Variants in RCBTB1 observed in about 807,000 individuals in gnomAD.
RCBTB1 encodes the protein RCC1 and BTB domain-containing protein 1.
A neutral mutation model predicts 62.4 loss-of-function variants in RCBTB1; 46 were observed. The ratio of observed to expected loss-of-function variants is 0.74; its 90% CI spans 0.58 to 0.94. RCBTB1 has a LOEUF of 0.94. Among genes scored for constraint, RCBTB1 ranks in the 40% least tolerant of loss-of-function variants. The pLI, the probability that RCBTB1 is intolerant of heterozygous loss-of-function variation, is 0.00. For missense variants in RCBTB1, 565 were observed against 654.9 expected (o/e 0.86, Z 1.50); for synonymous variants, 222 against 245.8 (o/e 0.90, Z 0.91).
intron 9 of RCBTB1, chr13:49,546,333 G>A: frequency 1.0e-6 from 1 of 985,146 alleles, no homozygotes; most frequent in Non-Finnish European, 1.2e-6. Flanking sequence ...AAGTGAGAGG[G>A]AAAAAACACT....
rs760901432 is a variant in RCBTB1 at position 49,549,509 on chromosome 13, C to G, written c.994G>C (p.Val332Leu). The change falls in exon 9 of 13, where the codon GTG (valine) becomes CTG (leucine). Residue 332 changes from valine (V) to leucine (L), a missense_variant. By Grantham distance (32) the Val-to-Leu change is conservative. Coordinates refer to ENST00000378302, the MANE Select transcript of RCBTB1 (RefSeq NM_018191.4). Reference protein sequence around the residue: ...HLTHFSCTDDVFACFATPAVS... With the variant: ...HLTHFSCTDDLFACFATPAVS... ...GCGGGAGTGGCAAAGCAGGCAAACACGTCGTCGGTGCAGGAGAAGTGGGTG... is the reference window on the plus strand; with the variant it reads ...GCGGGAGTGGCAAAGCAGGCAAACAGGTCGTCGGTGCAGGAGAAGTGGGTG... 1.2e-6 allele frequency: 2 copies of G among 1,613,626 alleles called. No homozygotes were observed. The highest frequency in any genetic ancestry group is 1.7e-6 in the Non-Finnish European group (2 of 1,179,836).
Position 49,544,839 on chromosome 13 carries a change from G to A in RCBTB1, c.1070C>T (p.Ala357Val), listed in dbSNP as rs1960672116. Residue 357 changes from alanine (A) to valine (V), a missense_variant, in exon 10 of 13, where the codon GCA becomes GTA. By Grantham distance (64) the Ala-to-Val change is moderately conservative. Transcript: ENST00000378302. ...ATCAAATTCTTTCTTCAGTGACTCTGCAACTGTTAAAAAGTCTTCATGCTC... is the reference window on the plus strand; with the variant it reads ...ATCAAATTCTTTCTTCAGTGACTCTACAACTGTTAAAAAGTCTTCATGCTC... Reference protein sequence around the residue: ...SVEHEDFLTVAESLKKEFDSP... With the variant: ...SVEHEDFLTVVESLKKEFDSP... The A allele has an allele frequency of 6.2e-7, 1 of 1,611,402 alleles. No homozygotes were observed. Among genetic ancestry groups the A allele is most frequent in the Middle Eastern group, 1.7e-4 (1 of 6,042 alleles).
chr13:49,541,978 G>A, intron 10 of RCBTB1, 151 bp from the exon 11 acceptor site: 2 of 777,356 alleles, frequency 2.6e-6, no homozygotes, highest in South Asian at 3.8e-5. Flanking sequence ...CACTTTGGGA[G>A]GCCAAGCGGG....
intron 10 of RCBTB1, among the ~76,000 whole-genome samples, chr13:49,544,532 T>A (rs1016291445): frequency 1.3e-5 from 2 of 152,186 alleles, no homozygotes; most frequent in Non-Finnish European, 2.9e-5. Flanking sequence ...AATACTTAAA[T>A]TCCTACATTA....
intron 9 of RCBTB1, among the ~76,000 whole-genome samples, chr13:49,545,473 A>G (rs916513839): frequency 5.9e-5 from 9 of 152,096 alleles, no homozygotes; most frequent in African/African-American, 2.2e-4. Context: ...AACAACACCT[A>G]CATGAAGGGA....
intron 12 of RCBTB1, among the ~76,000 whole-genome samples, chr13:49,537,364 AT>A (rs1042202990): frequency 3.3e-5 from 5 of 152,248 alleles, no homozygotes. Flanking sequence ...AACATAATTT[AT>A]CCCATTACGC....
At chr13:49,575,021 A>T (rs1963680637) in intron 2 of RCBTB1, among the ~76,000 whole-genome samples, 1 of 152,212 alleles carries the variant, frequency 6.6e-6, no homozygotes, top group Non-Finnish European at 1.5e-5. Flanking sequence ...GAACAGTCAA[A>T]TTCATGGAGA....
At chr13:49,560,656 T>C (rs1408216264) in intron 4 of RCBTB1, among the ~76,000 whole-genome samples, 1 of 152,076 alleles carries the variant, frequency 6.6e-6, no homozygotes, top group Non-Finnish European at 1.5e-5. Context: ...TTTACGCTCA[T>C]TTATTCTGTG....
At chr13:49,544,335 G>A (rs996872606) in intron 10 of RCBTB1, among the ~76,000 whole-genome samples, 1 of 152,222 alleles carries the variant, frequency 6.6e-6, no homozygotes, top group African/African-American at 2.4e-5. Context: ...CAGGCATGGT[G>A]GCGCCTGCCT....
intron 12 of RCBTB1, among the ~76,000 whole-genome samples, chr13:49,539,800 A>G (rs1449250648): frequency 1.3e-5 from 2 of 152,242 alleles, no homozygotes; most frequent in African/African-American, 4.8e-5. Context: ...AGTCAGCTAC[A>G]TTTGACCTTA....
chr13:49,569,676 A>G (rs1474840978), intron 2 of RCBTB1, among the ~76,000 whole-genome samples: 1 of 151,184 alleles, frequency 6.6e-6, no homozygotes, highest in Non-Finnish European at 1.5e-5. Flanking sequence ...AGACTGCATC[A>G]CTGCACTCCT....
Position 49,552,248 on chromosome 13 carries a change from C to T in RCBTB1, c.641G>A (p.Gly214Asp). 6.2e-7 allele frequency: 1 copy of T among 1,602,416 alleles called. No homozygotes were observed. Among genetic ancestry groups the T allele is most frequent in the Non-Finnish European group, 8.5e-7 (1 of 1,174,126 alleles). The change falls in exon 7 of 13, where the codon GGC (glycine) becomes GAC (aspartate). Residue 214 changes from glycine to aspartate, a missense_variant. By Grantham distance (94) the Gly-to-Asp change is moderately conservative. Transcript: ENST00000378302. ...GWGYNGNGQL[G>D]LGNNGNQLTP... ...CAGCTGGTTGCCATTGTTTCCCAGG[C>T]CCAGCTGACCGTTGCCATTGTAACC...
chr13:49,544,829 C>T lies in RCBTB1; in HGVS notation c.1080G>A (p.Leu360=), dbSNP rs777032441. The T allele has an allele frequency of 6.2e-7, 1 of 1,612,042 alleles. No individual in the cohort carries two copies. Among genetic ancestry groups the T allele is most frequent in the Admixed American group, 1.7e-5 (1 of 60,012 alleles). The part of the protein sequence containing the change: ...HEDFLTVAES[L]KKEFDSPETA... Reference sequence around the variant, plus strand: ...TTTCTGGACTATCAAATTCTTTCTTCAGTGACTCTGCAACTGTTAAAAAGT... The same window carrying T: ...TTTCTGGACTATCAAATTCTTTCTTTAGTGACTCTGCAACTGTTAAAAAGT... Residue 360 remains leucine, a synonymous_variant, in exon 10 of 13, where the codon CTG becomes CTA. Coordinates refer to ENST00000378302, the MANE Select transcript of RCBTB1 (RefSeq NM_018191.4).
intron 4 of RCBTB1, among the ~76,000 whole-genome samples, chr13:49,560,369 G>A (rs12583946): frequency 0.24 from 37,068 of 152,060 alleles, 5,840 homozygotes; most frequent in African/African-American, 0.44. Flanking sequence ...CTTTCTAAAA[G>A]CTTTGATTCA....
chr13:49,551,159 A>C, intron 8 of RCBTB1, 167 bp downstream of exon 8: 2 of 575,916 alleles, frequency 3.5e-6, no homozygotes, highest in Admixed American at 3.7e-5. Context: ...GGAAGCAGGG[A>C]GGGAGAAGGA....
At chr13:49,543,409 A>G (rs1375045251) in intron 10 of RCBTB1, among the ~76,000 whole-genome samples, 3 of 152,256 alleles carry the variant, frequency 2.0e-5, no homozygotes, top group African/African-American at 7.2e-5. Context: ...AAAGGAATAG[A>G]CTGGTTGACC....
At chr13:49,560,434 G>C (rs1000837343) in intron 4 of RCBTB1, among the ~76,000 whole-genome samples, 1 of 152,176 alleles carries the variant, frequency 6.6e-6, no homozygotes, top group East Asian at 1.9e-4. Context: ...AAGAAAGCTC[G>C]ATGTTAATGT....
chr13:49,534,481 C>G (rs1475598940), intron 12 of RCBTB1, among the ~76,000 whole-genome samples: 1 of 152,078 alleles, frequency 6.6e-6, no homozygotes, highest in Non-Finnish European at 1.5e-5. Flanking sequence ...TCCTCTAACT[C>G]AAAGTACGAC....
intron 2 of RCBTB1, among the ~76,000 whole-genome samples, chr13:49,576,209 T>G (rs1594352527): frequency 2.2e-5 from 3 of 134,664 alleles, no homozygotes; most frequent in African/African-American, 8.8e-5. Flanking sequence ...AAAAAAAAGT[T>G]GAGATGATTT....
Sources: allele counts gnomAD v4.1 joint callset (sites outside exome capture counted in the v4.1 genomes callset), GRCh38; gene constraint gnomAD v4.1.1; transcripts MANE v1.5; gene names NCBI Gene and HGNC (gene_info 2026-07-23, HGNC 2026-07-21).